ATP13A2: variants seen among roughly 807,000 people sequenced by gnomAD.
ATP13A2 encodes polyamine-transporting ATPase 13A2.
ATP13A2 carries 83 observed loss-of-function variants against 138.3 expected under a neutral mutation model. The ratio of observed to expected loss-of-function variants is 0.60; its 90% CI spans 0.50 to 0.72. The LOEUF (loss-of-function observed/expected upper bound fraction) is 0.72, where lower values mean the gene tolerates loss of function less well. Ranked by LOEUF, ATP13A2 falls within the 30% of genes least tolerant of loss-of-function variation. The pLI is 0.00. For missense variants in ATP13A2, 1,402 were observed against 1,606.4 expected (o/e 0.87, Z 2.17); for synonymous variants, 663 against 699.0 (o/e 0.95, Z 0.81).
rs747801092 is a variant in ATP13A2, at chr1:16,995,943, GC to G, written c.1542+32del. 38 of 1,612,340 alleles carry G rather than the reference GC, an allele frequency of 2.4e-5. No homozygotes were observed. The African/African-American group carries it at 4.9e-4, about 21-fold the overall frequency. The stretch of plus-strand genomic sequence containing the variant: ...TCACTGGGGCGCCTGTGGCTGTCCC[GC>G]TCCCCTGCACCAACCCCACCTGCGG... On this transcript the variant is annotated intron_variant, in intron 15 of 28. Coordinates refer to ENST00000326735, the MANE Select transcript of ATP13A2 (RefSeq NM_022089.4). This position sits in a 1 kb window ranked among gnomAD's most constrained non-coding sequence, Gnocchi z 4.1.
In ATP13A2 at chr1:17,000,088, G is replaced by T; in HGVS notation, c.962C>A (p.Pro321His). 1 of 1,613,488 alleles carries T rather than the reference G, an allele frequency of 6.2e-7. No individual in the cohort carries two copies. The highest frequency in any genetic ancestry group is 8.5e-7 in the Non-Finnish European group (1 of 1,179,972). Residue 321 changes from proline to histidine, a missense_variant, in exon 11 of 29, where the codon CCC (proline) becomes CAC (histidine). By Grantham distance (77) the Pro-to-His change is moderately conservative. Coordinates refer to ENST00000326735, the MANE Select transcript of ATP13A2 (RefSeq NM_022089.4). ...ACAGGGCATCAGCCCACCCTCCTGG[G>T]GCAGCACCAGGCAGTCTCCGGGCAC... ...ELVPGDCLVL[P>H]QEGGLMPCDA...
chr1:17,001,874 G>A (rs2077370248), intron 8 of ATP13A2, among the ~76,000 whole-genome samples, 160 bp downstream of exon 8: 2 of 152,220 alleles, frequency 1.3e-5, no homozygotes, highest in African/African-American at 2.4e-5. Flanking sequence ...GGTCTCTCTG[G>A]CTAGGCTGAC....
chr1:17,005,849 A>C, intron 1 of ATP13A2, 71 bp from the exon 2 acceptor site: 203 of 1,392,736 alleles, frequency 1.5e-4, no homozygotes, highest in Non-Finnish European at 1.9e-4. Context: ...AACAATAAAC[A>C]TCAGCCTGGG....
chr1:17,009,423 G>T (rs1204764198), intron 1 of ATP13A2, among the ~76,000 whole-genome samples: 1 of 146,356 alleles, frequency 6.8e-6, no homozygotes, highest in East Asian at 2.0e-4. Flanking sequence ...AAGAGACAGG[G>T]TCTCACTCTG....
At chr1:17,010,104 C>A (rs1336665733) in intron 1 of ATP13A2, among the ~76,000 whole-genome samples, 1 of 150,014 alleles carries the variant, frequency 6.7e-6, no homozygotes, top group Non-Finnish European at 1.5e-5. Context: ...TCCCCCCTTC[C>A]CCCCTGCCCG....
At chr1:16,991,556 G>C (rs2076930738) in intron 20 of ATP13A2, among the ~76,000 whole-genome samples, 178 bp downstream of exon 20, 1 of 152,166 alleles carries the variant, frequency 6.6e-6, no homozygotes, top group African/African-American at 2.4e-5. Context: ...TCAAACAGGG[G>C]TGACAATTAC....
At chr1:17,005,196 C>T (rs1214039362) in intron 3 of ATP13A2, 124 bp from the exon 4 acceptor site, 128 of 1,484,400 alleles carry the variant, frequency 8.6e-5, no homozygotes, top group Non-Finnish European at 1.2e-4. Context: ...CCTCCAGAAA[C>T]CACCCGACCC....
intron 11 of ATP13A2, 66 bp downstream of exon 11, chr1:16,999,945 G>A: frequency 6.7e-7 from 1 of 1,495,536 alleles, no homozygotes; most frequent in South Asian, 1.3e-5. Flanking sequence ...GAAAACTTTT[G>A]CCGCAGGGCA....
At chr1:16,999,835 A>T (rs1162226549) in intron 11 of ATP13A2, among the ~76,000 whole-genome samples, 176 bp downstream of exon 11, 1 of 152,200 alleles carries the variant, frequency 6.6e-6, no homozygotes, top group African/African-American at 2.4e-5. Flanking sequence ...TGGGGGGTGG[A>T]GGCTGCAGTG....
chr1:16,986,891 A>T lies in ATP13A2; in HGVS notation c.3149T>A (p.Val1050Asp). The change falls in exon 27 of 29, where the codon GTC becomes GAC. Residue 1050 changes from valine to aspartate, a missense_variant. Val to Asp is a radical substitution (Grantham distance 152). Transcript: ENST00000326735. This position sits in a 1 kb window ranked among gnomAD's most constrained non-coding sequence, Gnocchi z 6.9. ...DNLPNYENTV[V>D]FSLSSFQYLI... The stretch of plus-strand genomic sequence containing the variant: ...GTACTGGAAGCTGGACAGAGAGAAG[A>T]CCACGGTGTTCTCGTAGTTGGGCAG... 1 of 1,613,954 alleles carries T rather than the reference A, an allele frequency of 6.2e-7. No individual in the cohort carries two copies.
chr1:16,993,930 G>GAACCCTA, intron 15 of ATP13A2, 95 bp from the exon 16 acceptor site: 1 of 1,071,450 alleles, frequency 9.3e-7, no homozygotes, highest in Non-Finnish European at 1.3e-6. Context: ...CGGACCCTAT[G>GAACCCTA]GGAACCCCAG....
rs567315420 is a variant in ATP13A2, at chr1:16,986,795, G to A, written c.3235+10C>T. 42 of 1,611,682 alleles carry A rather than the reference G, an allele frequency of 2.6e-5. No individual in the cohort carries two copies. In the East Asian group the frequency reaches 4.2e-4, roughly 16 times the overall value. On this transcript the variant is annotated intron_variant, in intron 27 of 28. Coordinates refer to ENST00000326735, the MANE Select transcript of ATP13A2 (RefSeq NM_022089.4). The surrounding 1 kb of genome is among the most constrained non-coding windows in gnomAD (Gnocchi z 6.9). Reference sequence around the variant, plus strand: ...CCGCCAGCATCTCCCGCCCGCGCCCGCAGTGGCACCATTGGTGTAGAGCGG... The same window carrying A: ...CCGCCAGCATCTCCCGCCCGCGCCCACAGTGGCACCATTGGTGTAGAGCGG...
intron 6 of ATP13A2, among the ~76,000 whole-genome samples, chr1:17,003,995 C>T (rs1249536220): frequency 6.6e-6 from 1 of 152,112 alleles, no homozygotes; most frequent in East Asian, 1.9e-4. Context: ...TTGTAGGTGG[C>T]AGAGCAGTGA....
Position 16,988,452 on chromosome 1 carries a change from C to T in ATP13A2, c.2632G>A (p.Asp878Asn). Residue 878 changes from aspartate to asparagine, a missense_variant, in exon 24 of 29, where the codon GAC (aspartate) becomes AAC (asparagine). Coordinates refer to ENST00000326735, the MANE Select transcript of ATP13A2 (RefSeq NM_022089.4). Reference sequence around the variant, plus strand: ...AGGGCCCCACAGTCATTGGCGCCGTCTCCGCACATGCCCACGCAGTACCTG... The same window carrying T: ...AGGGCCCCACAGTCATTGGCGCCGTTTCCGCACATGCCCACGCAGTACCTG... ...KLQYCVGMCG[D>N]GANDCGALKA... The T allele has an allele frequency of 6.2e-7, 1 of 1,613,892 alleles. No homozygotes were observed. Among genetic ancestry groups the T allele is most frequent in the Non-Finnish European group, 8.5e-7 (1 of 1,180,034 alleles).
In ATP13A2 at chr1:17,000,149, G is replaced by A. The variant is rs1056895250; in HGVS notation, c.908-7C>T. The A allele has an allele frequency of 6.2e-7, 1 of 1,613,048 alleles. No individual in the cohort carries two copies. The highest frequency in any genetic ancestry group is 2.2e-5 in the East Asian group (1 of 44,850). ...GAGTCCACCCACTCTTCCTCTGCAG[G>A]CAGGCAGGAGAGGAGCTCAGCTAGG... On this transcript the variant is annotated splice_polypyrimidine_tract_variant and splice_region_variant and intron_variant, in intron 10 of 28. Transcript: ENST00000326735.
rs370401430 is a variant in ATP13A2 at position 17,002,019 on chromosome 1, C to G, written c.705+15G>C. 1.9e-6 allele frequency: 3 copies of G among 1,604,940 alleles called. No homozygotes were observed. The highest frequency in any genetic ancestry group is 2.6e-6 in the Non-Finnish European group (3 of 1,174,386). Reference sequence around the variant, plus strand: ...CGCCAGGCAGGGCTGGGGCAAGACCCAGGGACAGCCCTACCTCGTCCACCA... The same window carrying G: ...CGCCAGGCAGGGCTGGGGCAAGACCGAGGGACAGCCCTACCTCGTCCACCA... On this transcript the variant is annotated intron_variant, in intron 8 of 28. Coordinates refer to ENST00000326735, the MANE Select transcript of ATP13A2 (RefSeq NM_022089.4).
intron 11 of ATP13A2, among the ~76,000 whole-genome samples, chr1:16,997,507 A>T (rs115999808): frequency 6.9e-6 from 1 of 145,936 alleles, no homozygotes; most frequent in Non-Finnish European, 1.5e-5. Context: ...GAATTATTTT[A>T]TAACATGCAT....
At chr1:17,000,179 G>A (rs781180302) in intron 10 of ATP13A2, 37 bp from the exon 11 acceptor site, 13 of 1,609,964 alleles carry the variant, frequency 8.1e-6, no homozygotes, top group Non-Finnish European at 1.1e-5. Context: ...GCTAGGTGGG[G>A]CCAGCCCCAG....
At chr1:17,000,694 A>C in intron 8 of ATP13A2, 160 bp from the exon 9 acceptor site, 1 of 902,022 alleles carries the variant, frequency 1.1e-6, no homozygotes, top group Non-Finnish European at 1.6e-6. Context: ...CCAACCAGAC[A>C]TCCCCAGGGC....
Sources: allele counts gnomAD v4.1 joint callset (sites outside exome capture counted in the v4.1 genomes callset), GRCh38; gene constraint gnomAD v4.1.1; non-coding constraint Gnocchi (gnomAD v3.1); transcripts MANE v1.5; gene names NCBI Gene and HGNC (gene_info 2026-07-23, HGNC 2026-07-21).